The following TIAL1 variants were observed in gnomAD, a reference collection of about 807,000 sequenced individuals.
TIAL1 encodes the protein TIA1 cytotoxic granule associated RNA binding protein like 1.
Under a neutral mutation model 59.7 loss-of-function variants are expected in TIAL1, and 7 were observed. That is an observed-to-expected ratio of 0.12 (90% CI 0.07 to 0.22). The LOEUF is 0.22. Ranked by LOEUF, TIAL1 falls within the 10% of genes least tolerant of loss-of-function variation. The pLI is 1.00. For missense variants in TIAL1, 225 were observed against 462.5 expected (o/e 0.49, Z 4.71); for synonymous variants, 149 against 146.3 (o/e 1.02, Z -0.13).
chr10:119,590,790 A>C (rs570553161), intron 1 of TIAL1, among the ~76,000 whole-genome samples: 70 of 146,986 alleles, frequency 4.8e-4, no homozygotes, highest in African/African-American at 1.7e-3. Context: ...GAAAGAAAGA[A>C]AGAAAGAAAG....
Position 119,584,476 on chromosome 10 carries a change from T to C in TIAL1, c.130-1919A>G, listed in dbSNP as rs539773736. Reference sequence around the variant, plus strand: ...AAAAATAAATAGCTGCTAGATACTCTGCTAGAGTTTATACCCTCTGGAAGC... The same window carrying C: ...AAAAATAAATAGCTGCTAGATACTCCGCTAGAGTTTATACCCTCTGGAAGC... On this transcript the variant is annotated intron_variant, in intron 2 of 11. Transcript: ENST00000436547. Among the ~76,000 whole-genome samples the C allele has an allele frequency of 3.3e-5, 5 of 152,286 alleles. 1 individual carries two copies. Among genetic ancestry groups the C allele is most frequent in the African/African-American group, 1.2e-4 (5 of 41,564 alleles).
Position 119,573,679 on chromosome 10 carries a change from C to T in TIAL1, c.*1986G>A, listed in dbSNP as rs1844811793. The T allele has an allele frequency of 6.6e-6, 1 of 152,524 alleles. No individual in the cohort carries two copies. The highest frequency in any genetic ancestry group is 1.5e-5 in the Non-Finnish European group (1 of 68,010). The allele number at this position is 152,524 out of a possible 1,614,324, so 9.4% of individuals were successfully genotyped here. ...ACTCATAAAATTTTTAACTCGGGGG[C>T]ACAGTTAACATAATTTATTGAGTGT... is the stretch of plus-strand genomic sequence containing the variant. On this transcript the variant is annotated 3_prime_UTR_variant, in exon 12 of 12. Transcript: ENST00000436547.
At chr10:119,586,499 C>T (rs754712069) in intron 2 of TIAL1, among the ~76,000 whole-genome samples, 1 of 152,128 alleles carries the variant, frequency 6.6e-6, no homozygotes, top group Non-Finnish European at 1.5e-5. Flanking sequence ...TGCTCTTGCC[C>T]GCTACAATCT....
chr10:119,592,821 G>C (rs1385965245), intron 1 of TIAL1, among the ~76,000 whole-genome samples: 2 of 151,742 alleles, frequency 1.3e-5, no homozygotes, highest in African/African-American at 4.8e-5. Context: ...AAGAAACAAA[G>C]AATATGATTA....
intron 5 of TIAL1, chr10:119,581,676 A>G (rs756497130): frequency 9.0e-6 from 3 of 334,446 alleles, no homozygotes; most frequent in Non-Finnish European, 1.6e-5. Context: ...AACAAACAGA[A>G]TCACTTAAAT....
In TIAL1 at chr10:119,576,649, T is replaced by C. The variant is rs1263049253; in HGVS notation, c.963A>G (p.Val321=). 1.2e-6 allele frequency: 2 copies of C among 1,614,080 alleles called. No homozygotes were observed. Among genetic ancestry groups the C allele is most frequent in the Admixed American group, 3.3e-5 (2 of 60,006 alleles). Residue 321 remains valine, a synonymous_variant, in exon 11 of 12, where the codon GTA becomes GTG. Coordinates refer to ENST00000436547, the MANE Select transcript of TIAL1 (RefSeq NM_003252.4). ...ANGWQVPPYG[V]YGQPWNQQGF... ...CTTGTTGATTCCATGGTTGCCCGTA[T>C]ACTCCATAAGGCGGTACTTGCCACC...
In TIAL1 at chr10:119,577,498, T is replaced by C; in HGVS notation, c.690A>G (p.Gln230=). Reference sequence around the variant, plus strand: ...CTGGGAAAACTCTTATTTCCATAATTTGTCCAAATGGTGAGAATGTCTGTC... The same window carrying C: ...CTGGGAAAACTCTTATTTCCATAATCTGTCCAAATGGTGAGAATGTCTGTC... ...LMRQTFSPFG[Q]IMEIRVFPEK... The change falls in exon 9 of 12, where the codon CAA becomes CAG. Residue 230 remains glutamine (Q), a synonymous_variant. Transcript: ENST00000436547. 15 of 1,614,004 alleles carry C rather than the reference T, an allele frequency of 9.3e-6. No individual in the cohort carries two copies. The highest frequency in any genetic ancestry group is 1.3e-5 in the Non-Finnish European group (15 of 1,179,962).
chr10:119,576,907 T>C, intron 10 of TIAL1, 157 bp from the exon 11 acceptor site: 1 of 1,330,832 alleles, frequency 7.5e-7, no homozygotes, highest in Non-Finnish European at 1.0e-6. Context: ...TGGTGACACC[T>C]GTGAAAAGAA....
chr10:119,590,760 G>GAA (rs1564744641), intron 1 of TIAL1, among the ~76,000 whole-genome samples: 27 of 113,916 alleles, frequency 2.4e-4, no homozygotes, highest in South Asian at 2.1e-3. Context: ...CAGAGAGAAA[G>GAA]AGAGAAAGAA....
Position 119,582,445 on chromosome 10 carries a change from T to A in TIAL1, c.228+14A>T, listed in dbSNP as rs1845349523. 1 of 1,584,074 alleles carries A rather than the reference T, an allele frequency of 6.3e-7. No homozygotes were observed. The highest frequency in any genetic ancestry group is 1.9e-5 in the Admixed American group (1 of 52,510). ...TATATGTACTCATAAGGTGCCATCA[T>A]CCTATTATCTTACCTTTCCCAAAAT... On this transcript the variant is annotated intron_variant, in intron 3 of 11. Coordinates refer to ENST00000436547, the MANE Select transcript of TIAL1 (RefSeq NM_003252.4). This position sits in a 1 kb window ranked among gnomAD's most constrained non-coding sequence, Gnocchi z 5.1.
chr10:119,590,287 C>T (rs1845782757), intron 1 of TIAL1, among the ~76,000 whole-genome samples: 1 of 152,196 alleles, frequency 6.6e-6, no homozygotes, highest in African/African-American at 2.4e-5. Flanking sequence ...ATACTTTTTC[C>T]AGCAGGACTA....
intron 1 of TIAL1, chr10:119,593,558 AAAC>A (rs1564747113): frequency 4.4e-6 from 4 of 907,878 alleles, no homozygotes; most frequent in Non-Finnish European, 4.0e-6. Flanking sequence ...CATCTTAAGG[AAAC>A]AATTTAAGAT....
chr10:119,577,681 A>G lies in TIAL1; in HGVS notation c.612T>C (p.Asn204=). 6.2e-7 allele frequency: 1 copy of G among 1,614,182 alleles called. No individual in the cohort carries two copies. The highest frequency in any genetic ancestry group is 1.1e-5 in the South Asian group (1 of 91,082). The change falls in exon 8 of 12, where the codon AAT becomes AAC. Residue 204 remains asparagine, a synonymous_variant. Transcript: ENST00000436547. The part of the protein sequence containing the change: ...EDVVNQSSPK[N]CTVYCGGIAS... Reference sequence around the variant, plus strand: ...CAATTCCTCCACAGTACACAGTACAATTTTTTGGACTTGACTGGTTTACTA... The same window carrying G: ...CAATTCCTCCACAGTACACAGTACAGTTTTTTGGACTTGACTGGTTTACTA...
Position 119,582,556 on chromosome 10 carries a change from T to A in TIAL1, c.131A>T (p.His44Leu). 1 of 1,611,952 alleles carries A rather than the reference T, an allele frequency of 6.2e-7. No homozygotes were observed. The highest frequency in any genetic ancestry group is 8.5e-7 in the Non-Finnish European group (1 of 1,179,264). The change falls in exon 3 of 12, where the codon CAT (histidine) becomes CTT (leucine). Residue 44 changes from histidine (H) to leucine (L), a missense_variant and splice_region_variant. By Grantham distance (99) the His-to-Leu change is moderately conservative (BLOSUM62 -3). Transcript: ENST00000436547. This position sits in a 1 kb window ranked among gnomAD's most constrained non-coding sequence, Gnocchi z 5.1. ...PCKSCKMITE[H>L]TSNDPYCFVE... The stretch of plus-strand genomic sequence containing the variant: ...AAAGCAATATGGGTCATTGCTTGTA[T>A]GCTGCAAAACAGAAAATCCAACAGA...
rs1846213347 is a variant in TIAL1, at chr10:119,596,591, G to A, written c.-126C>T. The A allele has an allele frequency of 4.2e-6, 3 of 713,342 alleles. No individual in the cohort carries two copies. Among genetic ancestry groups the A allele is most frequent in the Non-Finnish European group, 4.6e-6 (2 of 432,544 alleles). 44.2% of individuals were successfully genotyped at this position (713,342 alleles called of 1,614,324 possible). A position where few individuals can be genotyped will look rare whatever the true frequency, so the allele number is the denominator to read the frequency against. On this transcript the variant is annotated 5_prime_UTR_variant, in exon 1 of 12. Transcript: ENST00000436547. ...GACAGAGGAAAAGGCACCGAACCCTGCTCTCGGGCTCTCTCCCCCCAGCCC... is the reference window on the plus strand; with the variant it reads ...GACAGAGGAAAAGGCACCGAACCCTACTCTCGGGCTCTCTCCCCCCAGCCC...
chr10:119,576,530 A>C, intron 11 of TIAL1, 81 bp downstream of exon 11: 3 of 1,525,734 alleles, frequency 2.0e-6, no homozygotes, highest in Non-Finnish European at 2.7e-6. Flanking sequence ...TAATTAAAAT[A>C]GATTCTCCCT....
chr10:119,576,529 T>C lies in TIAL1; in HGVS notation c.1001+82A>G. 5 of 1,525,960 alleles carry C rather than the reference T, an allele frequency of 3.3e-6. No homozygotes were observed. The South Asian group carries it at 5.1e-5, about 16-fold the overall frequency. The allele number at this position is 1,525,960 out of a possible 1,614,324, so 94.5% of individuals were successfully genotyped here. A position where few individuals can be genotyped will look rare whatever the true frequency, so the allele number is the denominator to read the frequency against. On this transcript the variant is annotated intron_variant, in intron 11 of 11. Transcript: ENST00000436547. ...AATAGCTCAATGTATATAATTAAAA[T>C]AGATTCTCCCTAGGAAAACACACTT...
chr10:119,577,425 T>C (rs1401118241), intron 9 of TIAL1, 26 bp downstream of exon 9: 2 of 1,574,522 alleles, frequency 1.3e-6, no homozygotes, highest in Non-Finnish European at 8.7e-7. Context: ...ATAAGAGTAA[T>C]AATGATATTT....
At chr10:119,595,046 T>C (rs954243744) in intron 1 of TIAL1, among the ~76,000 whole-genome samples, 4 of 152,198 alleles carry the variant, frequency 2.6e-5, no homozygotes, top group Non-Finnish European at 5.9e-5. Context: ...TTGGATGTGC[T>C]TCAGTAGGCC....
Sources: gnomAD v4.1 joint callset for allele counts (sites outside exome capture counted in the v4.1 genomes callset) on GRCh38, gnomAD v4.1.1 for gene constraint, Gnocchi (gnomAD v3.1) non-coding constraint, MANE v1.5 for transcripts, NCBI Gene and HGNC (gene_info 2026-07-23, HGNC 2026-07-21) for gene names.